The following ABL1 variants were observed in gnomAD, a reference collection of about 807,000 sequenced individuals.
The protein encoded by ABL1 is ABL proto-oncogene 1, non-receptor tyrosine kinase, also known as tyrosine-protein kinase ABL1.
A neutral mutation model predicts 94.7 loss-of-function variants in ABL1; 11 were observed. The ratio of observed to expected loss-of-function variants is 0.12; its 90% CI spans 0.07 to 0.19. The LOEUF (loss-of-function observed/expected upper bound fraction) is 0.19, where lower values mean the gene tolerates loss of function less well. Among genes scored for constraint, ABL1 ranks in the 10% least tolerant of loss-of-function variants. The pLI, the probability that ABL1 is intolerant of heterozygous loss-of-function variation, is 1.00. For missense variants in ABL1, 1,082 were observed against 1,489.4 expected (o/e 0.73, Z 4.50); for synonymous variants, 656 against 622.4 (o/e 1.05, Z -0.80).
upstream of ABL1, chr9:130,835,111 A>G (rs1830544355): frequency 3.9e-6 from 1 of 256,474 alleles, no homozygotes; most frequent in Admixed American, 5.7e-5. This position sits in a 1 kb window ranked among gnomAD's most constrained non-coding sequence, Gnocchi z 4.6. Context: ...TTGGCTTTGG[A>G]AAGCGGCGGT....
At chr9:130,818,898 G>GCTTTC (rs1316198816) in intron 1 of ABL1, among the ~76,000 whole-genome samples, 7 of 152,128 alleles carry the variant, frequency 4.6e-5, no homozygotes, top group Non-Finnish European at 8.8e-5. Flanking sequence ...CCCCAAGAAC[G>GCTTTC]CTTTCCTAAC....
Position 130,766,961 on chromosome 9 carries a change from G to A in ABL1, c.136+52506G>A, listed in dbSNP as rs116716820. Among the ~76,000 whole-genome samples, 241 of 152,266 alleles carry A rather than the reference G, an allele frequency of 1.6e-3. 1 individual carries two copies. Among genetic ancestry groups the A allele is most frequent in the African/African-American group, 5.5e-3 (229 of 41,560 alleles). On this transcript the variant is annotated intron_variant, in intron 1 of 10. Transcript: ENST00000372348. ...TGTTCAGCTTCTCTCCACAGCCTGCGTGGTCTGGGCCTGGTTTCCCTCTCG... is the reference window on the plus strand; with the variant it reads ...TGTTCAGCTTCTCTCCACAGCCTGCATGGTCTGGGCCTGGTTTCCCTCTCG...
At chr9:130,858,821 C>T (rs1302387548) in intron 3 of ABL1, among the ~76,000 whole-genome samples, 19 of 152,192 alleles carry the variant, frequency 1.2e-4, no homozygotes, top group Non-Finnish European at 2.8e-4. Flanking sequence ...GAAGATTCTT[C>T]TGTAAGGCCC....
At position 130,852,812 on chromosome 9, in the gene ABL1, T is replaced by C. The variant is rs557229242; in HGVS notation, c.80-1252T>C. 9.9e-5 allele frequency among the ~76,000 whole-genome samples: 15 copies of C among 152,240 alleles called. No homozygotes were observed. The South Asian group carries it at 1.9e-3, about 19-fold the overall frequency. On this transcript the variant is annotated intron_variant, in intron 1 of 10. Coordinates refer to ENST00000318560, the MANE Select transcript of ABL1 (RefSeq NM_005157.6). ...TTTAGAATCTGTTTCAGACAAAACATGGAAGTTTAGTAACAGTTTTTTCTA... is the reference window on the plus strand; with the variant it reads ...TTTAGAATCTGTTTCAGACAAAACACGGAAGTTTAGTAACAGTTTTTTCTA...
At chr9:130,715,880 CTT>C (rs1324689446) in intron 1 of ABL1, among the ~76,000 whole-genome samples, 2 of 152,070 alleles carry the variant, frequency 1.3e-5, no homozygotes, top group Non-Finnish European at 1.5e-5. Flanking sequence ...GGTCTTGTCT[CTT>C]TTGCTGTGTT....
At chr9:130,799,455 T>A (rs1334233448) in intron 1 of ABL1, among the ~76,000 whole-genome samples, 1 of 152,196 alleles carries the variant, frequency 6.6e-6, no homozygotes. Context: ...CATGTACTTC[T>A]AAGGGGTAGA....
chr9:130,769,015 T>G (rs1289211701), intron 1 of ABL1, among the ~76,000 whole-genome samples: 1 of 152,160 alleles, frequency 6.6e-6, no homozygotes, highest in Non-Finnish European at 1.5e-5. Context: ...GTGGTTATCT[T>G]TTGAGAGTGG....
At chr9:130,803,203 C>G (rs1830079938) in intron 1 of ABL1, among the ~76,000 whole-genome samples, 1 of 152,122 alleles carries the variant, frequency 6.6e-6, no homozygotes, top group South Asian at 2.1e-4. Flanking sequence ...CCACGCCCGG[C>G]TAATTTTTGT....
At chr9:130,789,699 A>G (rs538496992) in intron 1 of ABL1, among the ~76,000 whole-genome samples, 3 of 152,222 alleles carry the variant, frequency 2.0e-5, no homozygotes, top group African/African-American at 7.2e-5. Flanking sequence ...AAAGAGAGAG[A>G]TACATCAAAA....
rs35438979 is a variant in ABL1, at chr9:130,870,635, G to A, written c.823-1494G>A. ...CAGCATGGTCTGCTGAGCACATTAA[G>A]GAGCAGAGAGGGCTCAGAAGAATTA... On this transcript the variant is annotated intron_variant, in intron 4 of 10. Coordinates refer to ENST00000318560, the MANE Select transcript of ABL1 (RefSeq NM_005157.6). Among the ~76,000 whole-genome samples the A allele has an allele frequency of 8.3e-3, 1,259 of 152,306 alleles. 15 individuals carry two copies. Among genetic ancestry groups the A allele is most frequent in the African/African-American group, 0.029 (1,213 of 41,578 alleles).
chr9:130,743,492 C>T (rs577071176), intron 1 of ABL1, among the ~76,000 whole-genome samples: 1 of 152,328 alleles, frequency 6.6e-6, no homozygotes, highest in South Asian at 2.1e-4. Context: ...GTCCTAAGGT[C>T]TCTCTCTTGA....
At chr9:130,819,351 C>G (rs1486529225) in intron 1 of ABL1, among the ~76,000 whole-genome samples, 1 of 151,676 alleles carries the variant, frequency 6.6e-6, no homozygotes, top group East Asian at 2.0e-4. Flanking sequence ...GAGACTCCAT[C>G]TCAAAAATAA....
At position 130,884,076 on chromosome 9, in the gene ABL1, A is replaced by G. The variant is rs1191796984; in HGVS notation, c.1786A>G (p.Lys596Glu). ...EDERLLPKDK[K>E]TNLFSALIKK... ...TGAGCGCCTTCTCCCCAAAGACAAA[A>G]AGACCAACTTGTTCAGCGCCTTGAT... Residue 596 changes from lysine (K) to glutamate (E), a missense_variant, in exon 11 of 11, where the codon AAG becomes GAG. Around this residue, in one of 7 missense-constraint regions of ABL1, gnomAD observed 780 missense variants for 835.8 expected, o/e 0.93. Coordinates refer to ENST00000318560, the MANE Select transcript of ABL1 (RefSeq NM_005157.6). This position sits in a 1 kb window ranked among gnomAD's most constrained non-coding sequence, Gnocchi z 5.6. 6.2e-7 allele frequency: 1 copy of G among 1,613,796 alleles called. No individual in the cohort carries two copies. The highest frequency in any genetic ancestry group is 8.5e-7 in the Non-Finnish European group (1 of 1,180,044).
At chr9:130,804,508 C>A (rs998060063) in intron 1 of ABL1, among the ~76,000 whole-genome samples, 13 of 152,092 alleles carry the variant, frequency 8.5e-5, no homozygotes, top group Non-Finnish European at 1.2e-4. Context: ...CGCTTGAACC[C>A]GGGAGGTGGA....
At chr9:130,859,389 C>T (rs1383791534) in intron 3 of ABL1, among the ~76,000 whole-genome samples, 1 of 152,194 alleles carries the variant, frequency 6.6e-6, no homozygotes, top group Non-Finnish European at 1.5e-5. Context: ...GGTTTACCCG[C>T]CCTGACAGTG....
chr9:130,798,423 CTG>C (rs1341375689), intron 1 of ABL1, among the ~76,000 whole-genome samples: 2 of 152,184 alleles, frequency 1.3e-5, no homozygotes, highest in Non-Finnish European at 2.9e-5. Context: ...GCAGTGGAGT[CTG>C]TAACATATTC....
intron 1 of ABL1, among the ~76,000 whole-genome samples, chr9:130,763,176 C>CTT (rs60319595): frequency 7.0e-6 from 1 of 142,810 alleles, no homozygotes; most frequent in Non-Finnish European, 1.5e-5. Flanking sequence ...TGGATAATTG[C>CTT]TTTTTTTTTT....
intron 1 of ABL1, among the ~76,000 whole-genome samples, chr9:130,716,025 T>C (rs71501160): frequency 0.064 from 9,264 of 144,878 alleles, 309 homozygotes; most frequent in Non-Finnish European, 0.073. Context: ...AATATATATA[T>C]ACACACACAC....
intron 1 of ABL1, among the ~76,000 whole-genome samples, chr9:130,852,958 G>A (rs1830897750): frequency 6.6e-6 from 1 of 152,198 alleles, no homozygotes; most frequent in African/African-American, 2.4e-5. Flanking sequence ...GCCTTGTCTT[G>A]TGAAGTAAGT....
Sources: gnomAD v4.1 joint callset for allele counts (sites outside exome capture counted in the v4.1 genomes callset) on GRCh38, gnomAD v4.1.1 for gene constraint, gnomAD v4.1.1 regional missense constraint, Gnocchi (gnomAD v3.1) non-coding constraint, MANE v1.5 for transcripts, NCBI Gene and HGNC (gene_info 2026-07-23, HGNC 2026-07-21) for gene names.